GRIN2A: variants seen among roughly 807,000 people sequenced by gnomAD.
GRIN2A encodes glutamate receptor ionotropic, NMDA 2A.
GRIN2A carries 22 observed loss-of-function variants against 113.4 expected under a neutral mutation model. The ratio of observed to expected loss-of-function variants is 0.19; its 90% CI spans 0.14 to 0.28. The LOEUF is 0.28. Ranked by LOEUF, GRIN2A falls within the 10% of genes least tolerant of loss-of-function variation. GRIN2A has a pLI of 1.00. For synonymous variants in GRIN2A, 827 were observed against 738.4 expected, an observed-to-expected ratio of 1.12 and a Z score of -1.94; for missense variants, 1,502 against 1,887.0, an observed-to-expected ratio of 0.80 and a Z score of 3.78.
At chr16:10,033,816 G>A (rs2046973491) in intron 2 of GRIN2A, 1 of 152,358 alleles carries the variant, frequency 6.6e-6, no homozygotes, top group African/African-American at 2.4e-5. Context: ...TGCGTATGCT[G>A]ATGCTGCATG....
chr16:9,810,925 C>T (rs148441428), intron 10 of GRIN2A, among the ~76,000 whole-genome samples: 1 of 152,242 alleles, frequency 6.6e-6, no homozygotes, highest in Non-Finnish European at 1.5e-5. Context: ...GGGTTGGCCC[C>T]GGGCACTTTC....
chr16:9,863,847 C>A lies in GRIN2A; in HGVS notation c.1123-13886G>T, dbSNP rs371605024. ...GCATCTGTTATTATAAAAACCCAAA[C>A]ATAAACTTGGTTGAACTTAAGGGGC... is the stretch of plus-strand genomic sequence containing the variant. On this transcript the variant is annotated intron_variant, in intron 4 of 12. Transcript: ENST00000330684. Among the ~76,000 whole-genome samples the A allele has an allele frequency of 4.6e-5, 7 of 152,244 alleles. No homozygotes were observed. In the East Asian group the frequency reaches 1.2e-3, roughly 25 times the overall value.
chr16:9,854,107 G>T (rs961053991), intron 4 of GRIN2A, among the ~76,000 whole-genome samples: 8 of 152,124 alleles, frequency 5.3e-5, no homozygotes, highest in African/African-American at 1.9e-4. Flanking sequence ...GGGACTTAAT[G>T]GGTAGTTTTT....
At chr16:10,131,825 C>T (rs1043485909) in intron 2 of GRIN2A, among the ~76,000 whole-genome samples, 1 of 152,118 alleles carries the variant, frequency 6.6e-6, no homozygotes, top group Non-Finnish European at 1.5e-5. Context: ...ATCCCTCTGC[C>T]TAGAGTGGCA....
At chr16:9,792,942 G>T (rs1014710416) in intron 11 of GRIN2A, among the ~76,000 whole-genome samples, 1 of 152,220 alleles carries the variant, frequency 6.6e-6, no homozygotes, top group African/African-American at 2.4e-5. Flanking sequence ...ACAGGGTGTT[G>T]TCCATTGGCT....
intron 2 of GRIN2A, among the ~76,000 whole-genome samples, chr16:10,059,547 A>T (rs1268442630): frequency 6.6e-6 from 1 of 152,036 alleles, no homozygotes; most frequent in Non-Finnish European, 1.5e-5. Context: ...TTGGAGGTAA[A>T]ATCAAATTTG....
At position 10,049,982 on chromosome 16, in the gene GRIN2A, C is replaced by T. The variant is rs186337483; in HGVS notation, c.415-111431G>A. Among the ~76,000 whole-genome samples the T allele has an allele frequency of 3.5e-3, 529 of 152,306 alleles. 9 individuals carry two copies. The highest frequency in any genetic ancestry group is 1.6e-3 in the Non-Finnish European group (107 of 68,036). ...TATTTATACTCATACCCATACCATCCTACCTGATAGGAAGAATAAAGGTCT... is the reference window on the plus strand; with the variant it reads ...TATTTATACTCATACCCATACCATCTTACCTGATAGGAAGAATAAAGGTCT... On this transcript the variant is annotated intron_variant, in intron 2 of 12. Transcript: ENST00000330684.
chr16:10,034,352 C>A (rs1353936724), intron 2 of GRIN2A, among the ~76,000 whole-genome samples: 1 of 151,668 alleles, frequency 6.6e-6, no homozygotes, highest in Admixed American at 6.6e-5. Context: ...TGGTGAAACC[C>A]TATCTCTACT....
chr16:10,037,537 C>G (rs984618770), intron 2 of GRIN2A, among the ~76,000 whole-genome samples: 4 of 152,206 alleles, frequency 2.6e-5, no homozygotes, highest in Admixed American at 6.5e-5. Context: ...TTCCCCTTCC[C>G]TAAGATAAAG....
At chr16:9,953,507 A>C (rs1208901449) in intron 2 of GRIN2A, among the ~76,000 whole-genome samples, 1 of 152,126 alleles carries the variant, frequency 6.6e-6, no homozygotes, top group East Asian at 1.9e-4. Context: ...CAGGGAGTCC[A>C]CCAAGAAGGT....
chr16:10,134,453 A>G (rs1457292869), intron 2 of GRIN2A, among the ~76,000 whole-genome samples: 1 of 150,044 alleles, frequency 6.7e-6, no homozygotes, highest in Admixed American at 6.7e-5. Flanking sequence ...GAAGGCGGGG[A>G]ATATCACACA....
chr16:9,948,412 C>A (rs2045076614), intron 2 of GRIN2A, among the ~76,000 whole-genome samples: 1 of 152,132 alleles, frequency 6.6e-6, no homozygotes, highest in African/African-American at 2.4e-5. Flanking sequence ...AGTCCATGGA[C>A]CAAGCTTTCA....
chr16:9,837,797 C>T (rs774039563), intron 7 of GRIN2A, among the ~76,000 whole-genome samples: 40 of 152,070 alleles, frequency 2.6e-4, no homozygotes, highest in Non-Finnish European at 4.7e-4. Context: ...TATTAAAATA[C>T]GAGTATCTGA....
At chr16:9,882,967 C>T (rs2043513652) in intron 4 of GRIN2A, among the ~76,000 whole-genome samples, 1 of 152,138 alleles carries the variant, frequency 6.6e-6, no homozygotes. Flanking sequence ...TTCCCGCTGC[C>T]AGTTGTTCCA....
At chr16:9,880,077 G>T (rs1022147897) in intron 4 of GRIN2A, among the ~76,000 whole-genome samples, 1 of 152,060 alleles carries the variant, frequency 6.6e-6, no homozygotes, top group African/African-American at 2.4e-5. Context: ...AAGTCCCAGC[G>T]GGCTCAGCTG....
At chr16:10,099,934 C>T (rs533431814) in intron 2 of GRIN2A, among the ~76,000 whole-genome samples, 2 of 146,152 alleles carry the variant, frequency 1.4e-5, no homozygotes, top group South Asian at 4.6e-4. Flanking sequence ...ATTGAGGGAG[C>T]TCAGGGAGGC....
chr16:9,813,142 G>T (rs2042118105), intron 10 of GRIN2A, among the ~76,000 whole-genome samples: 1 of 152,216 alleles, frequency 6.6e-6, no homozygotes, highest in African/African-American at 2.4e-5. Flanking sequence ...TTCAGTGCTA[G>T]TTAAGGCATG....
intron 2 of GRIN2A, among the ~76,000 whole-genome samples, chr16:10,173,332 G>T (rs998543475): frequency 1.3e-5 from 2 of 152,204 alleles, no homozygotes; most frequent in Non-Finnish European, 2.9e-5. Context: ...CTCTGGAGCT[G>T]CCAGGTTACA....
Position 9,755,568 on chromosome 16 carries a change from C to T in GRIN2A, c.*7581G>A. 5.5e-6 allele frequency: 1 copy of T among 183,150 alleles called. No individual in the cohort carries two copies. Among genetic ancestry groups the T allele is most frequent in the Non-Finnish European group, 1.2e-5 (1 of 86,072 alleles). The allele number at this position is 183,150 out of a possible 1,614,324, so 11.3% of individuals were successfully genotyped here. Reference sequence around the variant, plus strand: ...TCCCAGAAAGACATTCCTTCAAATCCCCGCTAGTGTCCTCATCCATCAAAT... The same window carrying T: ...TCCCAGAAAGACATTCCTTCAAATCTCCGCTAGTGTCCTCATCCATCAAAT... On this transcript the variant is annotated 3_prime_UTR_variant, in exon 13 of 13. Coordinates refer to ENST00000330684, the MANE Select transcript of GRIN2A (RefSeq NM_001134407.3).
Sources: gnomAD v4.1 joint callset for allele counts (sites outside exome capture counted in the v4.1 genomes callset) on GRCh38, gnomAD v4.1.1 for gene constraint, MANE v1.5 for transcripts, NCBI Gene and HGNC (gene_info 2026-07-23, HGNC 2026-07-21) for gene names.